Variants in WSCD2 observed in about 807,000 individuals in gnomAD.
WSCD2 encodes the protein WSC domain sialate O sulfotransferase 2, also known as sialate:O-sulfotransferase 2.
WSCD2 carries 28 observed loss-of-function variants against 55.7 expected under a neutral mutation model. The observed-to-expected ratio is 0.50, with a 90% CI of 0.37 to 0.69. The LOEUF (loss-of-function observed/expected upper bound fraction) is 0.69. Ranked by LOEUF, WSCD2 falls within the 30% of genes least tolerant of loss-of-function variation. The pLI is 0.00. For synonymous variants in WSCD2, 301 were observed against 301.9 expected, an observed-to-expected ratio of 1.00 and a Z score of 0.03; for missense variants, 616 against 762.1, an observed-to-expected ratio of 0.81 and a Z score of 2.26.
chr12:108,206,504 G>T, intron 3 of WSCD2, 101 bp downstream of exon 3: 2 of 1,141,614 alleles, frequency 1.8e-6, no homozygotes, highest in Non-Finnish European at 2.6e-6. Context: ...GTGTTGAAGG[G>T]TGAGCACGTG....
intron 2 of WSCD2, among the ~76,000 whole-genome samples, chr12:108,196,727 G>A (rs547632620): frequency 1.8e-4 from 27 of 152,348 alleles, no homozygotes; most frequent in Admixed American, 7.2e-4. Context: ...CTGTCTCTCA[G>A]TCCATCTTGC....
At chr12:108,142,813 A>C (rs1876974871) in intron 1 of WSCD2, among the ~76,000 whole-genome samples, 1 of 146,898 alleles carries the variant, frequency 6.8e-6, no homozygotes, top group Non-Finnish European at 1.5e-5. Flanking sequence ...CTCTCTCTCT[A>C]TTTTTTTATT....
chr12:108,166,631 T>C (rs537900225), intron 1 of WSCD2, among the ~76,000 whole-genome samples: 1 of 152,228 alleles, frequency 6.6e-6, no homozygotes, highest in African/African-American at 2.4e-5. Context: ...GGTGATGATG[T>C]GTTGGGGCAG....
At chr12:108,206,233 C>T (rs560056870) in intron 2 of WSCD2, 56 bp from the exon 3 acceptor site, 10 of 1,459,014 alleles carry the variant, frequency 6.9e-6, no homozygotes, top group East Asian at 4.5e-5. Flanking sequence ...AGGCTTCCTC[C>T]TGTAACCCTT....
intron 1 of WSCD2, among the ~76,000 whole-genome samples, chr12:108,184,068 G>A (rs1000923113): frequency 6.6e-6 from 1 of 152,190 alleles, no homozygotes; most frequent in Non-Finnish European, 1.5e-5. Flanking sequence ...CTGGGTCTGG[G>A]TAGAGTCACC....
At chr12:108,240,718 A>G (rs1375096983) in intron 8 of WSCD2, among the ~76,000 whole-genome samples, 174 bp downstream of exon 8, 1 of 152,138 alleles carries the variant, frequency 6.6e-6, no homozygotes, top group African/African-American at 2.4e-5. Flanking sequence ...CTTCCAGTAG[A>G]GTAGGTGCCT....
chr12:108,205,810 C>G (rs1204267778), intron 2 of WSCD2, among the ~76,000 whole-genome samples: 1 of 152,202 alleles, frequency 6.6e-6, no homozygotes, highest in Non-Finnish European at 1.5e-5. Flanking sequence ...CTTAAACTTT[C>G]TAGGCCCATG....
chr12:108,136,059 C>T (rs1023400177), intron 1 of WSCD2, among the ~76,000 whole-genome samples: 1 of 152,174 alleles, frequency 6.6e-6, no homozygotes, highest in Non-Finnish European at 1.5e-5. Context: ...CTGATGGATT[C>T]GGCTGTATCA....
Position 108,248,088 on chromosome 12 carries a change from G to A in WSCD2, c.1443G>A (p.Glu481=). The part of the protein sequence containing the change: ...FGKKVLVVHF[E]DLKQDLFVQL... ...AGAAGGTGCTGGTGGTGCACTTTGA[G>A]GACCTGAAGCAGGACCTCTTTGTCC... The change falls in exon 9 of 9, where the codon GAG becomes GAA. Residue 481 remains glutamate, a synonymous_variant. Transcript: ENST00000547525. This position sits in a 1 kb window ranked among gnomAD's most constrained non-coding sequence, Gnocchi z 4.3. The A allele has an allele frequency of 6.2e-7, 1 of 1,614,214 alleles. No homozygotes were observed. The highest frequency in any genetic ancestry group is 8.5e-7 in the Non-Finnish European group (1 of 1,180,044).
At chr12:108,175,932 T>C (rs1026744835) in intron 1 of WSCD2, among the ~76,000 whole-genome samples, 3 of 152,078 alleles carry the variant, frequency 2.0e-5, no homozygotes, top group Non-Finnish European at 2.9e-5. Context: ...CTCCGCCTCC[T>C]GGGTTCATGC....
At chr12:108,242,535 T>C (rs959889198) in intron 8 of WSCD2, among the ~76,000 whole-genome samples, 1 of 152,162 alleles carries the variant, frequency 6.6e-6, no homozygotes, top group Non-Finnish European at 1.5e-5. Context: ...TTACGGTCCC[T>C]AGAGGAGAGT....
Position 108,248,145 on chromosome 12 carries a change from G to T in WSCD2, c.1500G>T (p.Val500=). ...QLGRMVSLLG[V]AVREDRLLCV... ...GCCGGATGGTCAGCCTGCTGGGCGT[G>T]GCTGTCAGGGAGGACCGGCTGCTCT... Residue 500 remains valine (V), a synonymous_variant, in exon 9 of 9, where the codon GTG becomes GTT. Coordinates refer to ENST00000547525, the MANE Select transcript of WSCD2 (RefSeq NM_014653.4). This position sits in a 1 kb window ranked among gnomAD's most constrained non-coding sequence, Gnocchi z 4.3. 6.2e-7 allele frequency: 1 copy of T among 1,614,216 alleles called. No individual in the cohort carries two copies. The highest frequency in any genetic ancestry group is 8.5e-7 in the Non-Finnish European group (1 of 1,180,036).
chr12:108,249,786 C>T lies in WSCD2; in HGVS notation c.*1443C>T, dbSNP rs1890330056. The T allele has an allele frequency of 6.6e-6, 1 of 152,616 alleles. No homozygotes were observed. Among genetic ancestry groups the T allele is most frequent in the South Asian group, 2.1e-4 (1 of 4,828 alleles). 9.5% of individuals were successfully genotyped at this position (152,616 alleles called of 1,614,324 possible). A position where few individuals can be genotyped will look rare whatever the true frequency, so the allele number is the denominator to read the frequency against. On this transcript the variant is annotated 3_prime_UTR_variant, in exon 9 of 9. Coordinates refer to ENST00000547525, the MANE Select transcript of WSCD2 (RefSeq NM_014653.4). ...GATTAATACATTCCGCCCCTTGGAA[C>T]CTGGCCATGCAAAGCAAGGGCACAG...
At chr12:108,242,500 G>A (rs966657198) in intron 8 of WSCD2, among the ~76,000 whole-genome samples, 5 of 152,166 alleles carry the variant, frequency 3.3e-5, no homozygotes, top group Admixed American at 1.3e-4. Context: ...CAGTGACCTC[G>A]GTGGGCCTCT....
intron 1 of WSCD2, among the ~76,000 whole-genome samples, chr12:108,171,028 G>A (rs1167897470): frequency 6.6e-6 from 1 of 152,170 alleles, no homozygotes; most frequent in Admixed American, 6.5e-5. Context: ...GGTAGGAGAG[G>A]CTGGTTCTTT....
chr12:108,181,014 C>T (rs1233766739), intron 1 of WSCD2, among the ~76,000 whole-genome samples: 1 of 152,212 alleles, frequency 6.6e-6, no homozygotes, highest in African/African-American at 2.4e-5. Flanking sequence ...GCAGGGGAGT[C>T]CGGATTCAAG....
intron 7 of WSCD2, among the ~76,000 whole-genome samples, chr12:108,235,612 G>A (rs997926271): frequency 2.0e-5 from 3 of 152,084 alleles, no homozygotes; most frequent in African/African-American, 7.2e-5. Context: ...TTAATGGAGT[G>A]AGACACCTAC....
chr12:108,238,051 T>C (rs181240649), intron 7 of WSCD2, among the ~76,000 whole-genome samples: 1 of 152,330 alleles, frequency 6.6e-6, no homozygotes, highest in African/African-American at 2.4e-5. Flanking sequence ...AAACCATGGA[T>C]GGAAAGCCCT....
intron 6 of WSCD2, among the ~76,000 whole-genome samples, chr12:108,227,860 T>C (rs377326327): frequency 6.6e-6 from 1 of 152,036 alleles, no homozygotes; most frequent in African/African-American, 2.4e-5. Flanking sequence ...ATAGTGCTGA[T>C]GATAGTGATG....
Sources: allele counts gnomAD v4.1 joint callset (sites outside exome capture counted in the v4.1 genomes callset), GRCh38; gene constraint gnomAD v4.1.1; non-coding constraint Gnocchi (gnomAD v3.1); transcripts MANE v1.5; gene names NCBI Gene and HGNC (gene_info 2026-07-23, HGNC 2026-07-21).